PDZD2: variants seen among roughly 807,000 people sequenced by gnomAD.
The protein encoded by PDZD2 is PDZ domain containing 2, also known as PDZ domain-containing protein 2.
A neutral mutation model predicts 220.7 loss-of-function variants in PDZD2; 90 were observed. The ratio of observed to expected loss-of-function variants is 0.41; its 90% confidence interval spans 0.34 to 0.49. The LOEUF (loss-of-function observed/expected upper bound fraction) is 0.49, where lower values mean the gene tolerates loss of function less well. Ranked by LOEUF, PDZD2 falls within the 20% of genes least tolerant of loss-of-function variation. The pLI is 0.28. For missense variants in PDZD2, 3,174 were observed against 3,608.5 expected (o/e 0.88, Z 3.08); for synonymous variants, 1,375 against 1,450.5 (o/e 0.95, Z 1.18).
At chr5:32,002,178 AAC>A (rs1752184038) in intron 5 of PDZD2, among the ~76,000 whole-genome samples, 1 of 152,148 alleles carries the variant, frequency 6.6e-6, no homozygotes. Context: ...TTTTACCCCA[AAC>A]CCTTGACCTA....
chr5:31,843,100 C>T (rs1271605921), intron 2 of PDZD2, among the ~76,000 whole-genome samples: 4 of 152,028 alleles, frequency 2.6e-5, no homozygotes, highest in Admixed American at 6.6e-5. Flanking sequence ...AGGCTGGTCT[C>T]GAACTCCTGA....
intron 3 of PDZD2, among the ~76,000 whole-genome samples, chr5:31,986,783 C>T (rs2111900921): frequency 6.6e-6 from 1 of 152,230 alleles, no homozygotes; most frequent in African/African-American, 2.4e-5. Flanking sequence ...AGCTCATAAT[C>T]ATTCAGAACA....
chr5:31,977,304 A>G (rs1333803682), intron 2 of PDZD2, among the ~76,000 whole-genome samples: 1 of 152,150 alleles, frequency 6.6e-6, no homozygotes, highest in African/African-American at 2.4e-5. Context: ...GTTTCTTCCA[A>G]AGGTTTTGGC....
intron 19 of PDZD2, among the ~76,000 whole-genome samples, chr5:32,084,001 G>A (rs1040974257): frequency 6.6e-6 from 1 of 152,090 alleles, no homozygotes; most frequent in Non-Finnish European, 1.5e-5. Context: ...TAAAAACAGA[G>A]TTTAAATCCC....
intron 1 of PDZD2, among the ~76,000 whole-genome samples, chr5:31,737,353 T>C (rs909046366): frequency 1.3e-5 from 2 of 148,220 alleles, no homozygotes; most frequent in Non-Finnish European, 3.0e-5. Context: ...GTTGTATTTT[T>C]AGTAGAGATG....
intron 1 of PDZD2, among the ~76,000 whole-genome samples, chr5:31,697,418 G>A (rs1044940678): frequency 2.6e-5 from 4 of 152,160 alleles, no homozygotes; most frequent in Non-Finnish European, 2.9e-5. Context: ...AGCTGAGATC[G>A]TGCCACTGCA....
At chr5:32,010,229 T>G in intron 5 of PDZD2, 101 bp from the exon 6 acceptor site, 2 of 759,124 alleles carry the variant, frequency 2.6e-6, no homozygotes, top group Non-Finnish European at 4.4e-6. Context: ...CATGTAGTCT[T>G]TGGTTTGGGA....
Position 32,074,235 on chromosome 5 carries a change from G to T in PDZD2, c.3129G>T (p.Glu1043Asp), listed in dbSNP as rs1385102203. 4 of 1,614,114 alleles carry T rather than the reference G, an allele frequency of 2.5e-6. No homozygotes were observed. Among genetic ancestry groups the T allele is most frequent in the African/African-American group, 2.7e-5 (2 of 74,942 alleles). The change falls in exon 18 of 25, where the codon GAG becomes GAT. Residue 1043 changes from glutamate (E) to aspartate (D), a missense_variant. Glu to Asp is a conservative substitution (Grantham distance 45). Coordinates refer to ENST00000438447, the MANE Select transcript of PDZD2 (RefSeq NM_178140.4). Reference sequence around the variant, plus strand: ...TTGGTAGCTCAGTGGACTTAGAGGAGAGTATCCCAGAGGGCATGGTGGATG... The same window carrying T: ...TTGGTAGCTCAGTGGACTTAGAGGATAGTATCCCAGAGGGCATGGTGGATG... ...PLLGSSVDLE[E>D]SIPEGMVDAA... is the part of the protein sequence containing the mutation.
intron 1 of PDZD2, among the ~76,000 whole-genome samples, chr5:31,773,411 G>A (rs956063819): frequency 6.6e-6 from 1 of 151,926 alleles, no homozygotes; most frequent in African/African-American, 2.4e-5. Flanking sequence ...GGCCAAGGCT[G>A]GTGGAACACT....
intron 6 of PDZD2, among the ~76,000 whole-genome samples, chr5:32,022,177 G>GTTTTTTTTTTTTTTTTTTT (rs1438838239): frequency 1.1e-5 from 1 of 92,156 alleles, no homozygotes; most frequent in Non-Finnish European, 2.5e-5. Flanking sequence ...TTTTCGTTTT[G>GTTTTTTTTTTTTTTTTTTT]TTTTTTTGTT....
chr5:31,907,261 A>T (rs1237788096), intron 2 of PDZD2, among the ~76,000 whole-genome samples: 7 of 152,196 alleles, frequency 4.6e-5, no homozygotes, highest in Non-Finnish European at 8.8e-5. Context: ...GTTTCTGGTG[A>T]GGGCTCTCTT....
chr5:31,975,639 G>T (rs1377025777), intron 2 of PDZD2, among the ~76,000 whole-genome samples: 2 of 152,120 alleles, frequency 1.3e-5, no homozygotes, highest in Admixed American at 1.3e-4. Flanking sequence ...GGAGTGCACT[G>T]TTCTAGTCAC....
chr5:31,896,658 C>T (rs186881051), intron 2 of PDZD2, among the ~76,000 whole-genome samples: 1 of 152,150 alleles, frequency 6.6e-6, no homozygotes, highest in South Asian at 2.1e-4. Flanking sequence ...GTGTGTGTTA[C>T]AATAATCTTA....
chr5:32,090,040 C>T lies in PDZD2; in HGVS notation c.6592C>T (p.Pro2198Ser), dbSNP rs896099237. 1 of 1,612,282 alleles carries T rather than the reference C, an allele frequency of 6.2e-7. No homozygotes were observed. The highest frequency in any genetic ancestry group is 8.5e-7 in the Non-Finnish European group (1 of 1,179,308). ...SSLMSDSRGVPRNSIPGGPSG... is the reference protein window; with the variant it reads ...SSLMSDSRGVSRNSIPGGPSG... ...CCTGATGTCAGACTCCCGAGGGGTG[C>T]CCAGAAACAGCATTCCAGGGGGCCC... Residue 2198 changes from proline (P) to serine (S), a missense_variant, in exon 20 of 25, where the codon CCC becomes TCC. Pro to Ser is a moderately conservative substitution (Grantham distance 74). This residue lies in a region of PDZD2 where 1,861 missense variants were observed against 2,001.0 expected (regional missense o/e 0.93). Coordinates refer to ENST00000438447, the MANE Select transcript of PDZD2 (RefSeq NM_178140.4). The surrounding 1 kb of genome is among the most constrained non-coding windows in gnomAD (Gnocchi z 4.3).
At chr5:31,963,745 G>T (rs762696869) in intron 2 of PDZD2, among the ~76,000 whole-genome samples, 27 of 152,178 alleles carry the variant, frequency 1.8e-4, no homozygotes, top group Non-Finnish European at 3.5e-4. Context: ...TCCAACATTG[G>T]TCTGTATTTT....
intron 2 of PDZD2, among the ~76,000 whole-genome samples, chr5:31,898,914 A>G (rs1581026600): frequency 7.1e-6 from 1 of 141,830 alleles, no homozygotes; most frequent in Non-Finnish European, 1.5e-5. Context: ...TGCAAGCTCC[A>G]CCTCCTGGGT....
chr5:32,086,706 C>T (rs1025481717), intron 19 of PDZD2, among the ~76,000 whole-genome samples: 43 of 151,162 alleles, frequency 2.8e-4, no homozygotes, highest in African/African-American at 9.2e-4. Flanking sequence ...GACGGAGTTT[C>T]GCTCTTTTTG....
intron 6 of PDZD2, among the ~76,000 whole-genome samples, chr5:32,026,084 C>T (rs1266413462): frequency 2.0e-5 from 3 of 151,864 alleles, no homozygotes; most frequent in Non-Finnish European, 2.9e-5. Context: ...ATCAGGGCCC[C>T]TTCTGACAAT....
intron 1 of PDZD2, among the ~76,000 whole-genome samples, chr5:31,701,793 G>A (rs935134027): frequency 1.3e-5 from 2 of 152,210 alleles, no homozygotes; most frequent in Non-Finnish European, 2.9e-5. Flanking sequence ...GAGAAGATGT[G>A]CAGGCGCCGA....
Sources: gnomAD v4.1 joint callset for allele counts (sites outside exome capture counted in the v4.1 genomes callset) on GRCh38, gnomAD v4.1.1 for gene constraint, gnomAD v4.1.1 regional missense constraint, Gnocchi (gnomAD v3.1) non-coding constraint, MANE v1.5 for transcripts, NCBI Gene and HGNC (gene_info 2026-07-23, HGNC 2026-07-21) for gene names.